WDR25: variants seen among roughly 807,000 people sequenced by gnomAD.
WDR25 encodes WD repeat-containing protein 25.
In WDR25, 35 loss-of-function variants were observed where a neutral mutation model predicts 47.7. The observed-to-expected ratio is 0.73, with a 90% confidence interval of 0.56 to 0.97. WDR25 has a LOEUF of 0.97. Ranked by LOEUF, WDR25 falls within the 50% of genes least tolerant of loss-of-function variation. The probability of loss-of-function intolerance (pLI) is 0.00; values close to 1 mark genes in which losing one functional copy is unlikely to be tolerated. For missense variants in WDR25, 634 were observed against 704.7 expected, an observed-to-expected ratio of 0.90 and a Z score of 1.14; for synonymous variants, 248 against 278.9, an observed-to-expected ratio of 0.89 and a Z score of 1.10.
chr14:100,403,871 G>A (rs1337916679), intron 2 of WDR25, among the ~76,000 whole-genome samples: 1 of 152,124 alleles, frequency 6.6e-6, no homozygotes, highest in Non-Finnish European at 1.5e-5. Flanking sequence ...ATTCCAGTTT[G>A]CTTGGCTGGC....
intron 2 of WDR25, among the ~76,000 whole-genome samples, chr14:100,391,287 A>G (rs764602275): frequency 3.9e-5 from 6 of 152,184 alleles, no homozygotes; most frequent in East Asian, 1.9e-4. Context: ...GCCAGTTTCA[A>G]TTCTCGTCAG....
intron 4 of WDR25, among the ~76,000 whole-genome samples, chr14:100,484,499 C>T (rs554423845): frequency 2.0e-5 from 3 of 151,590 alleles, no homozygotes; most frequent in African/African-American, 2.4e-5. Context: ...TGTGTGTGTG[C>T]GCACTTGTTT....
chr14:100,458,626 A>G (rs1052925998), intron 2 of WDR25, among the ~76,000 whole-genome samples: 1 of 152,186 alleles, frequency 6.6e-6, no homozygotes, highest in Non-Finnish European at 1.5e-5. Context: ...TCAATTGCCC[A>G]TGGAATGTCC....
chr14:100,518,191 T>G (rs1169735905), intron 4 of WDR25, among the ~76,000 whole-genome samples: 1 of 152,194 alleles, frequency 6.6e-6, no homozygotes. Context: ...ATTCACTTAG[T>G]TCTTCTTCAT....
intron 1 of WDR25, among the ~76,000 whole-genome samples, chr14:100,380,579 C>T (rs575558505): frequency 6.6e-6 from 1 of 151,926 alleles, no homozygotes; most frequent in South Asian, 2.1e-4. Context: ...ACTGCAACCT[C>T]CGCCTCCCAG....
chr14:100,419,221 C>CA (rs767240939), intron 2 of WDR25, among the ~76,000 whole-genome samples: 2,732 of 72,098 alleles, frequency 0.038, 74 homozygotes, highest in African/African-American at 0.098. Flanking sequence ...GACTCCATCA[C>CA]AAAAAAAAAA....
intron 3 of WDR25, among the ~76,000 whole-genome samples, chr14:100,470,990 G>A (rs561569474): frequency 5.9e-5 from 9 of 152,288 alleles, no homozygotes; most frequent in African/African-American, 1.9e-4. Context: ...GCCCCGTTTC[G>A]TTCACTCCGC....
At chr14:100,462,727 GT>G (rs1022390144) in intron 2 of WDR25, among the ~76,000 whole-genome samples, 3 of 152,146 alleles carry the variant, frequency 2.0e-5, no homozygotes, top group South Asian at 4.1e-4. Context: ...TAGAGTTCAA[GT>G]TTTTTGTAAT....
intron 3 of WDR25, 57 bp from the exon 4 acceptor site, chr14:100,483,937 A>T (rs1019344378): frequency 6.4e-7 from 1 of 1,551,846 alleles, no homozygotes; most frequent in Non-Finnish European, 8.7e-7. Context: ...TAGTTTTAAG[A>T]TATTTGTTTT....
chr14:100,431,438 G>A (rs559619663), intron 2 of WDR25, among the ~76,000 whole-genome samples: 29 of 152,182 alleles, frequency 1.9e-4, no homozygotes, highest in Admixed American at 3.9e-4. Context: ...TTATATATTC[G>A]GAAATAATCC....
In WDR25 at chr14:100,428,755, T is replaced by C. The variant is rs1245499649; in HGVS notation, c.823-39266T>C. ...ATTTGATACCTTCTTTCAAAAGTGC[T>C]GTACCTTCGCTTTTATTCTACTTTG... On this transcript the variant is annotated intron_variant, in intron 2 of 6. Coordinates refer to ENST00000402312, the MANE Select transcript of WDR25 (RefSeq NM_001161476.3). The surrounding 1 kb of genome is among the most constrained non-coding windows in gnomAD (Gnocchi z 4.3). 7.9e-5 allele frequency among the ~76,000 whole-genome samples: 12 copies of C among 152,388 alleles called. No homozygotes were observed. The South Asian group carries it at 2.5e-3, about 32-fold the overall frequency.
chr14:100,398,537 A>G (rs1427485389), intron 2 of WDR25, among the ~76,000 whole-genome samples: 1 of 152,026 alleles, frequency 6.6e-6, no homozygotes, highest in African/African-American at 2.4e-5. Context: ...AATAATACAG[A>G]GAGTTCCTAT....
chr14:100,464,746 A>C (rs1265933842), intron 2 of WDR25, among the ~76,000 whole-genome samples: 3 of 5,644 alleles, frequency 5.3e-4, no homozygotes, highest in African/African-American at 1.9e-3. Context: ...ATCTCATCTC[A>C]TCTCATCTCA....
intron 1 of WDR25, among the ~76,000 whole-genome samples, chr14:100,379,390 CTT>C (rs148841833): frequency 2.5e-4 from 34 of 135,412 alleles, no homozygotes; most frequent in Non-Finnish European, 2.6e-4. Context: ...CTTTTTTTTT[CTT>C]TTTTTTTTTT....
chr14:100,378,314 C>T (rs1352170595), intron 1 of WDR25, among the ~76,000 whole-genome samples: 2 of 152,014 alleles, frequency 1.3e-5, no homozygotes, highest in South Asian at 2.1e-4. Context: ...GGATTACAGG[C>T]GTGTGCCACC....
intron 2 of WDR25, among the ~76,000 whole-genome samples, chr14:100,452,905 G>A (rs746101889): frequency 1.5e-4 from 23 of 152,244 alleles, no homozygotes; most frequent in Admixed American, 8.5e-4. Flanking sequence ...AGTGTTGTGT[G>A]GCCATCACCA....
At chr14:100,489,240 G>A (rs768968786) in intron 4 of WDR25, among the ~76,000 whole-genome samples, 17 of 152,218 alleles carry the variant, frequency 1.1e-4, no homozygotes, top group South Asian at 2.1e-4. Flanking sequence ...TCTGCTCCCC[G>A]GTGTTTGGTG....
intron 4 of WDR25, among the ~76,000 whole-genome samples, chr14:100,511,432 A>T (rs942501807): frequency 6.6e-6 from 1 of 152,176 alleles, no homozygotes; most frequent in Non-Finnish European, 1.5e-5. Flanking sequence ...TGTAGATTCT[A>T]TTGGATTTTC....
intron 2 of WDR25, among the ~76,000 whole-genome samples, chr14:100,420,109 G>C (rs1897984452): frequency 6.6e-6 from 1 of 152,182 alleles, no homozygotes; most frequent in Non-Finnish European, 1.5e-5. Flanking sequence ...ACAAGGCCTA[G>C]TTGCCTGGAT....
Sources: gnomAD v4.1 joint callset for allele counts (sites outside exome capture counted in the v4.1 genomes callset) on GRCh38, gnomAD v4.1.1 for gene constraint, Gnocchi (gnomAD v3.1) non-coding constraint, MANE v1.5 for transcripts, NCBI Gene and HGNC (gene_info 2026-07-23, HGNC 2026-07-21) for gene names.